IKZF2: variants seen among roughly 807,000 people sequenced by gnomAD.
The protein encoded by IKZF2 is zinc finger protein Helios.
IKZF2 carries 15 observed loss-of-function variants against 49.2 expected under a neutral mutation model. The observed-to-expected ratio is 0.30, with a 90% CI of 0.20 to 0.47. The LOEUF is 0.47. Ranked by LOEUF, IKZF2 falls within the 20% of genes least tolerant of loss-of-function variation. The pLI is 1.00. For synonymous variants in IKZF2, 227 were observed against 221.4 expected (o/e 1.03, Z -0.23); for missense variants, 567 against 664.6 (o/e 0.85, Z 1.61).
intron 6 of IKZF2, among the ~76,000 whole-genome samples, chr2:213,039,222 C>T (rs1699366948): frequency 6.6e-6 from 1 of 151,934 alleles, no homozygotes; most frequent in African/African-American, 2.4e-5. Flanking sequence ...AAAATATAAA[C>T]TAGGCTATTT....
At chr2:213,125,432 G>T (rs908643075) in intron 4 of IKZF2, among the ~76,000 whole-genome samples, 2 of 152,076 alleles carry the variant, frequency 1.3e-5, no homozygotes, top group Admixed American at 1.3e-4. Flanking sequence ...CCGTAATTAA[G>T]AAATGTCAAA....
chr2:213,030,719 G>T (rs1024898164), intron 6 of IKZF2, among the ~76,000 whole-genome samples: 3 of 150,852 alleles, frequency 2.0e-5, no homozygotes, highest in South Asian at 2.1e-4. Context: ...TATTAATTTC[G>T]CAAGTAAATA....
intron 4 of IKZF2, among the ~76,000 whole-genome samples, chr2:213,145,119 T>C (rs908886079): frequency 2.6e-5 from 4 of 151,186 alleles, no homozygotes; most frequent in Non-Finnish European, 5.9e-5. Context: ...CCAAAATAAG[T>C]GAGCTCTCAT....
intron 4 of IKZF2, among the ~76,000 whole-genome samples, chr2:213,081,976 G>C (rs1171743973): frequency 1.3e-5 from 2 of 152,044 alleles, no homozygotes; most frequent in African/African-American, 4.8e-5. Flanking sequence ...GTTTAAATAA[G>C]AACTAAACTA....
intron 4 of IKZF2, among the ~76,000 whole-genome samples, chr2:213,137,344 T>C (rs1490682295): frequency 1.3e-5 from 2 of 152,120 alleles, no homozygotes; most frequent in African/African-American, 4.8e-5. Flanking sequence ...GTAATAGAAG[T>C]CATTTTACAT....
intron 6 of IKZF2, among the ~76,000 whole-genome samples, chr2:213,026,813 T>G (rs960104426): frequency 6.6e-6 from 1 of 152,128 alleles, no homozygotes; most frequent in African/African-American, 2.4e-5. Context: ...ATTTCCCCAT[T>G]ATTATGAAAT....
At chr2:213,043,072 C>A (rs570874511) in intron 6 of IKZF2, among the ~76,000 whole-genome samples, 2 of 151,896 alleles carry the variant, frequency 1.3e-5, no homozygotes, top group African/African-American at 4.8e-5. Flanking sequence ...ACCTAACTAC[C>A]AGGCCTATGC....
chr2:213,124,150 T>G (rs1449392158), intron 4 of IKZF2, among the ~76,000 whole-genome samples: 1 of 152,012 alleles, frequency 6.6e-6, no homozygotes, highest in East Asian at 1.9e-4. Flanking sequence ...AAATGACCTT[T>G]GGGGTCACTT....
intron 6 of IKZF2, among the ~76,000 whole-genome samples, chr2:213,033,508 A>G (rs1586068): frequency 0.81 from 123,034 of 152,150 alleles, 51,066 homozygotes; most frequent in Non-Finnish European, 0.91. Flanking sequence ...TTAACCCTTG[A>G]GCGTGGGCTG....
intron 6 of IKZF2, among the ~76,000 whole-genome samples, chr2:213,038,883 C>T (rs1221944198): frequency 6.6e-6 from 1 of 152,114 alleles, no homozygotes; most frequent in Non-Finnish European, 1.5e-5. Flanking sequence ...GGGTACACTA[C>T]TCTCATGACA....
chr2:213,062,236 A>T (rs1262595763), intron 4 of IKZF2, among the ~76,000 whole-genome samples: 1 of 151,702 alleles, frequency 6.6e-6, no homozygotes, highest in Non-Finnish European at 1.5e-5. Flanking sequence ...AATTTAAGAC[A>T]TTTTTAAATA....
At chr2:213,139,580 T>G (rs1047023254) in intron 4 of IKZF2, among the ~76,000 whole-genome samples, 4 of 151,872 alleles carry the variant, frequency 2.6e-5, no homozygotes, top group Non-Finnish European at 5.9e-5. Context: ...TGTGCTTTAT[T>G]TTTAATCAAT....
At position 213,056,996 on chromosome 2, in the gene IKZF2, T is replaced by G; in HGVS notation, c.243A>C (p.Glu81Asp). 1 of 1,613,924 alleles carries G rather than the reference T, an allele frequency of 6.2e-7. No individual in the cohort carries two copies. Among genetic ancestry groups the G allele is most frequent in the African/African-American group, 1.3e-5 (1 of 75,036 alleles). Residue 81 changes from glutamate (E) to aspartate (D), a missense_variant, in exon 5 of 9, where the codon GAA (glutamate) becomes GAC (aspartate). This residue lies in a region of IKZF2 where 156 missense variants were observed against 138.5 expected (regional missense o/e 1.13). Transcript: ENST00000434687. Reference protein sequence around the residue: ...IRGHDEGSSLEEPLIESSEVA... With the variant: ...IRGHDEGSSLDEPLIESSEVA... ...CCTCGCTGCTCTCAATTAGGGGTTC[T>G]TCTAGGCTGCTACCCTCATCATGGC...
At position 213,049,773 on chromosome 2, in the gene IKZF2, A is replaced by T; in HGVS notation, c.514T>A (p.Phe172Ile). Residue 172 changes from phenylalanine (F) to isoleucine (I), a missense_variant, in exon 6 of 9, where the codon TTC becomes ATC. By Grantham distance (21) the Phe-to-Ile change is conservative (BLOSUM62 0). Transcript: ENST00000434687. ...CTTCTTCTACAGGCGTAGCTACAGA[A>T]AGGACATTTGAACGGCTTCTCTCCA... ...HSGEKPFKCPFCSYACRRRDA... is the reference protein window; with the variant it reads ...HSGEKPFKCPICSYACRRRDA... 1 of 1,611,122 alleles carries T rather than the reference A, an allele frequency of 6.2e-7. No individual in the cohort carries two copies. Among genetic ancestry groups the T allele is most frequent in the Non-Finnish European group, 8.5e-7 (1 of 1,178,224 alleles).
chr2:213,148,162 T>C (rs1559335519), intron 3 of IKZF2, among the ~76,000 whole-genome samples: 1 of 152,368 alleles, frequency 6.6e-6, no homozygotes, highest in Admixed American at 6.5e-5. Flanking sequence ...AAATGCTGGC[T>C]ATCAGAGAGA....
At chr2:213,087,522 T>C (rs946978015) in intron 4 of IKZF2, among the ~76,000 whole-genome samples, 1 of 152,182 alleles carries the variant, frequency 6.6e-6, no homozygotes, top group Non-Finnish European at 1.5e-5. Context: ...TACTTTAAGT[T>C]CTAGGGTACA....
chr2:213,148,522 T>A, intron 3 of IKZF2, 74 bp downstream of exon 3: 2 of 990,894 alleles, frequency 2.0e-6, no homozygotes, highest in South Asian at 2.8e-5. Context: ...AGTTTCATAA[T>A]CCAGGAATTA....
intron 4 of IKZF2, among the ~76,000 whole-genome samples, chr2:213,102,424 A>G (rs117622473): frequency 6.6e-6 from 1 of 152,190 alleles, no homozygotes; most frequent in Non-Finnish European, 1.5e-5. Flanking sequence ...GGACTTGTCC[A>G]TTAAATGTAA....
At chr2:213,128,804 CTTTTTTTTT>C (rs1184422126) in intron 4 of IKZF2, among the ~76,000 whole-genome samples, 1 of 113,182 alleles carries the variant, frequency 8.8e-6, no homozygotes, top group Non-Finnish European at 1.7e-5. Flanking sequence ...ATTTTTTTTT[CTTTTTTTTT>C]TTTTTTTTTT....
Sources: gnomAD v4.1 joint callset for allele counts (sites outside exome capture counted in the v4.1 genomes callset) on GRCh38, gnomAD v4.1.1 for gene constraint, gnomAD v4.1.1 regional missense constraint, MANE v1.5 for transcripts, NCBI Gene and HGNC (gene_info 2026-07-23, HGNC 2026-07-21) for gene names.